Variants in WDR81 observed in about 807,000 individuals in gnomAD.
WDR81 encodes the protein WD repeat-containing protein 81.
In WDR81, 92 loss-of-function variants were observed where a neutral mutation model predicts 140.8. That is an observed-to-expected ratio of 0.65 (90% CI 0.55 to 0.78). The LOEUF (loss-of-function observed/expected upper bound fraction) is 0.78, where lower values mean the gene tolerates loss of function less well. WDR81 is among the 30% of genes least tolerant of loss of function. The probability of loss-of-function intolerance (pLI) is 0.00; values close to 1 mark genes in which losing one functional copy is unlikely to be tolerated. For synonymous variants in WDR81, 1,183 were observed against 1,156.4 expected (o/e 1.02, Z -0.47); for missense variants, 2,502 against 2,636.4 (o/e 0.95, Z 1.12).
In WDR81 at chr17:1,731,859, G is replaced by A. The variant is rs111299189; in HGVS notation, c.4158-466G>A. 3.7e-4 allele frequency among the ~76,000 whole-genome samples: 56 copies of A among 151,876 alleles called. 1 individual carries two copies. In the South Asian group the frequency reaches 0.01, roughly 28 times the overall value. ...GGAGAATTGCTTGAACCCAGGAAGCGGAGGTTGCAGTGAGCTGAGATCACG... is the reference window on the plus strand; with the variant it reads ...GGAGAATTGCTTGAACCCAGGAAGCAGAGGTTGCAGTGAGCTGAGATCACG... On this transcript the variant is annotated intron_variant, in intron 4 of 9. Transcript: ENST00000409644.
chr17:1,738,047 C>G lies in WDR81; in HGVS notation c.*362C>G. 1 of 341,698 alleles carries G rather than the reference C, an allele frequency of 2.9e-6. No individual in the cohort carries two copies. Among genetic ancestry groups the G allele is most frequent in the Non-Finnish European group, 5.4e-6 (1 of 184,166 alleles). The allele number at this position is 341,698 out of a possible 1,614,324, so 21.2% of individuals were successfully genotyped here. On this transcript the variant is annotated 3_prime_UTR_variant, in exon 10 of 10. Transcript: ENST00000409644. ...GGGAAGGGAGACTGGCCCTGCCCAG[C>G]CGGTCTCTAGCCCCTCAGCCCCCGC... is the stretch of plus-strand genomic sequence containing the variant.
chr17:1,724,574 C>G (rs977030737), upstream of WDR81: 1 of 990,718 alleles, frequency 1.0e-6, no homozygotes, highest in African/African-American at 1.7e-5. Flanking sequence ...GAAGCGGAGC[C>G]CAGACCGAGC....
Position 1,727,628 on chromosome 17 carries a change from G to A in WDR81, c.2669G>A (p.Arg890Lys), listed in dbSNP as rs1453447855. 6 of 1,550,464 alleles carry A rather than the reference G, an allele frequency of 3.9e-6. No homozygotes were observed. The South Asian group carries it at 7.1e-5, about 18-fold the overall frequency. Residue 890 changes from arginine (R) to lysine (K), a missense_variant, in exon 1 of 10, where the codon AGG becomes AAG. Arg to Lys is a conservative substitution (Grantham distance 26). Coordinates refer to ENST00000409644, the MANE Select transcript of WDR81 (RefSeq NM_001163809.2). Reference protein sequence around the residue: ...LHRFILLYQARRVEDEAQGRE... With the variant: ...LHRFILLYQAKRVEDEAQGRE... ...AGATTCATCCTCCTGTACCAGGCAA[G>A]GCGTGTGGAGGACGAGGCCCAGGGG...
In WDR81 at chr17:1,731,056, C is replaced by G. The variant is rs766635421; in HGVS notation, c.3967-12C>G. The G allele has an allele frequency of 2.9e-5, 46 of 1,610,440 alleles. No homozygotes were observed. The highest frequency in any genetic ancestry group is 8.3e-5 in the Admixed American group (5 of 59,890). On this transcript the variant is annotated splice_polypyrimidine_tract_variant and intron_variant, in intron 3 of 9. Transcript: ENST00000409644. ...TGGGGCTGCCCGGCCCTCATCTGCTCGGTGGCTCTAGGTGGCCCCAGGGAG... is the reference window on the plus strand; with the variant it reads ...TGGGGCTGCCCGGCCCTCATCTGCTGGGTGGCTCTAGGTGGCCCCAGGGAG...
Position 1,738,010 on chromosome 17 carries a change from A to C in WDR81, c.*325A>C, listed in dbSNP as rs1010300419. On this transcript the variant is annotated 3_prime_UTR_variant, in exon 10 of 10. Coordinates refer to ENST00000409644, the MANE Select transcript of WDR81 (RefSeq NM_001163809.2). The stretch of plus-strand genomic sequence containing the variant: ...CCTCTGGGTCCACATGAGGACAGGG[A>C]AGCTCGGGAAGGGGAAGGGAGACTG... 2.4e-6 allele frequency: 1 copy of C among 421,366 alleles called. No individual in the cohort carries two copies. The highest frequency in any genetic ancestry group is 4.3e-6 in the Non-Finnish European group (1 of 231,874). The allele number at this position is 421,366 out of a possible 1,614,324, so 26.1% of individuals were successfully genotyped here.
At position 1,737,577 on chromosome 17, in the gene WDR81, G is replaced by A; in HGVS notation, c.5718G>A (p.Lys1906=). ...LLEPPSQATT[K]LSSENFRGTL... The stretch of plus-strand genomic sequence containing the variant: ...AGCCACCCTCGCAGGCCACCACGAA[G>A]CTCAGCTCTGAGAACTTCCGCGGCA... The change falls in exon 10 of 10, where the codon AAG becomes AAA. Residue 1906 remains lysine (K), a synonymous_variant. Transcript: ENST00000409644. 6.2e-7 allele frequency: 1 copy of A among 1,612,870 alleles called. No homozygotes were observed. Among genetic ancestry groups the A allele is most frequent in the Non-Finnish European group, 8.5e-7 (1 of 1,179,994 alleles).
chr17:1,730,693 C>T (rs1274768618), intron 2 of WDR81, 62 bp from the exon 3 acceptor site: 1 of 1,533,412 alleles, frequency 6.5e-7, no homozygotes, highest in Non-Finnish European at 8.8e-7. Context: ...CACAGCCCTG[C>T]AGGGCCAGGC....
intron 1 of WDR81, chr17:1,717,011 C>T (rs1914604237): frequency 5.8e-6 from 2 of 343,720 alleles, no homozygotes; most frequent in African/African-American, 4.1e-5. Flanking sequence ...AGCTTTCTAA[C>T]AAAAGATTCA....
At chr17:1,737,186 G>A (rs943498282) in intron 9 of WDR81, among the ~76,000 whole-genome samples, 179 bp from the exon 10 acceptor site, 1 of 152,208 alleles carries the variant, frequency 6.6e-6, no homozygotes, top group Non-Finnish European at 1.5e-5. Context: ...TACGGATGCT[G>A]AGCGTATTAA....
rs1904494531 is a variant in WDR81 at position 1,733,012 on chromosome 17, C to G, written c.4489+181C>G. ...AGGTGACACACAAACAAGGACTGAG[C>G]AGTAGCCAGCAAGAGAGGCCCAGAA... is the stretch of plus-strand genomic sequence containing the variant. On this transcript the variant is annotated intron_variant, in intron 6 of 9. Coordinates refer to ENST00000409644, the MANE Select transcript of WDR81 (RefSeq NM_001163809.2). 4.2e-6 allele frequency: 3 copies of G among 716,218 alleles called. No individual in the cohort carries two copies. In the East Asian group the frequency reaches 9.1e-5, roughly 22 times the overall value. 44.4% of individuals were successfully genotyped at this position (716,218 alleles called of 1,614,324 possible). A position where few individuals can be genotyped will look rare whatever the true frequency, so the allele number is the denominator to read the frequency against.
rs1402337340 is a variant in WDR81 at position 1,725,714 on chromosome 17, A to G, written c.755A>G (p.Lys252Arg). Residue 252 changes from lysine to arginine, a missense_variant, in exon 1 of 10, where the codon AAG becomes AGG. This residue lies in a region of WDR81 where 547 missense variants were observed against 513.8 expected (regional missense o/e 1.06). Coordinates refer to ENST00000409644, the MANE Select transcript of WDR81 (RefSeq NM_001163809.2). Reference sequence around the variant, plus strand: ...GACGTGGTCACCTTCAGCCCTGCCAAGCTGACCAACAGCCAGGCCAAGGTG... The same window carrying G: ...GACGTGGTCACCTTCAGCCCTGCCAGGCTGACCAACAGCCAGGCCAAGGTG... ...LHDVVTFSPA[K>R]LTNSQAKVLF... The G allele has an allele frequency of 6.5e-7, 1 of 1,550,294 alleles. No homozygotes were observed. The highest frequency in any genetic ancestry group is 2.4e-5 in the East Asian group (1 of 40,924).
Position 1,735,816 on chromosome 17 carries a change from G to T in WDR81, c.5325+99G>T, listed in dbSNP as rs1904813947. ...AACAGAAAGCCAGGATGTTGTTCTG[G>T]GGCCCTAGTTAGTTTCTCTTTGGTG... On this transcript the variant is annotated intron_variant, in intron 8 of 9. Coordinates refer to ENST00000409644, the MANE Select transcript of WDR81 (RefSeq NM_001163809.2). This position sits in a 1 kb window ranked among gnomAD's most constrained non-coding sequence, Gnocchi z 4.2. 4 of 1,482,844 alleles carry T rather than the reference G, an allele frequency of 2.7e-6. No individual in the cohort carries two copies. Among genetic ancestry groups the T allele is most frequent in the Non-Finnish European group, 3.6e-6 (4 of 1,106,272 alleles). 91.9% of individuals were successfully genotyped at this position (1,482,844 alleles called of 1,614,324 possible). A position where few individuals can be genotyped will look rare whatever the true frequency, so the allele number is the denominator to read the frequency against.
intron 6 of WDR81, 183 bp downstream of exon 6, chr17:1,733,014 G>C: frequency 2.8e-6 from 2 of 716,698 alleles, no homozygotes; most frequent in Non-Finnish European, 4.3e-6. Flanking sequence ...GGACTGAGCA[G>C]TAGCCAGCAA....
intron 7 of WDR81, among the ~76,000 whole-genome samples, chr17:1,734,737 C>G (rs1904705868): frequency 6.6e-6 from 1 of 151,100 alleles, no homozygotes; most frequent in East Asian, 1.9e-4. Context: ...CGAGATCGCA[C>G]CACTGCACTC....
chr17:1,727,531 C>T lies in WDR81; in HGVS notation c.2572C>T (p.Pro858Ser). The T allele has an allele frequency of 6.4e-7, 1 of 1,550,440 alleles. No homozygotes were observed. The highest frequency in any genetic ancestry group is 2.4e-5 in the East Asian group (1 of 40,920). ...GCCTGTCTCCCAGGGCCTGCCCCCACCCTGCCCAAGCCAGCTTCTCAGCCC... is the reference window on the plus strand; with the variant it reads ...GCCTGTCTCCCAGGGCCTGCCCCCATCCTGCCCAAGCCAGCTTCTCAGCCC... ...YRPVSQGLPP[P>S]CPSQLLSPFS... Residue 858 changes from proline to serine, a missense_variant, in exon 1 of 10, where the codon CCC becomes TCC. By Grantham distance (74) the Pro-to-Ser change is moderately conservative. This residue lies in a region of WDR81 where 1,737 missense variants were observed against 1,843.0 expected (regional missense o/e 0.94). Transcript: ENST00000409644.
chr17:1,727,548 T>TCTCAG lies in WDR81; in HGVS notation c.2591_2595dup (p.Pro866SerfsTer50). The TCTCAG allele has an allele frequency of 1.3e-6, 2 of 1,550,446 alleles. No homozygotes were observed. The highest frequency in any genetic ancestry group is 1.7e-6 in the Non-Finnish European group (2 of 1,147,014). On this transcript the variant is annotated frameshift_variant, in exon 1 of 10. Coordinates refer to ENST00000409644, the MANE Select transcript of WDR81 (RefSeq NM_001163809.2). LOFTEE classifies it high-confidence loss of function. ...TGCCCCCACCCTGCCCAAGCCAGCT[T>TCTCAG]CTCAGCCCCTTCAGCTCCGTGGTTC...
rs756866826 is a variant in WDR81, at chr17:1,727,870, G to A, written c.2911G>A (p.Glu971Lys). The change falls in exon 1 of 10, where the codon GAG becomes AAG. Residue 971 changes from glutamate (E) to lysine (K), a missense_variant. By Grantham distance (56) the Glu-to-Lys change is moderately conservative. Transcript: ENST00000409644. ...YLLKPLIGAY[E>K]SPCQLHGRFY... ...CCTGAAGCCGCTCATTGGTGCCTAC[G>A]AGAGCCCCTGCCAGCTACACGGCCG... 3 of 1,550,724 alleles carry A rather than the reference G, an allele frequency of 1.9e-6. No homozygotes were observed. The highest frequency in any genetic ancestry group is 2.0e-5 in the Admixed American group (1 of 51,008).
At chr17:1,723,461 A>ATTTG (rs1278777422), upstream of WDR81, among the ~76,000 whole-genome samples, 1 of 52,652 alleles carries the variant, frequency 1.9e-5, no homozygotes, top group African/African-American at 9.1e-5. Flanking sequence ...ATTTATTTTT[A>ATTTG]TTTATTTATT....
At position 1,737,729 on chromosome 17, in the gene WDR81, G is replaced by T. The variant is rs753558489; in HGVS notation, c.*44G>T. 3.9e-6 allele frequency: 6 copies of T among 1,551,672 alleles called. No individual in the cohort carries two copies. The highest frequency in any genetic ancestry group is 4.3e-6 in the Non-Finnish European group (5 of 1,152,552). On this transcript the variant is annotated 3_prime_UTR_variant, in exon 10 of 10. Coordinates refer to ENST00000409644, the MANE Select transcript of WDR81 (RefSeq NM_001163809.2). ...CGGGCAAGGGTGGGAAGACATCTGC[G>T]GGCGCGTGTCCACTCACCCTGTTCC...
Sources: allele counts gnomAD v4.1 joint callset (sites outside exome capture counted in the v4.1 genomes callset), GRCh38; gene constraint gnomAD v4.1.1; regional missense constraint gnomAD v4.1.1; non-coding constraint Gnocchi (gnomAD v3.1); transcripts MANE v1.5; gene names NCBI Gene and HGNC (gene_info 2026-07-23, HGNC 2026-07-21).